Variants in SLC38A1 observed in about 807,000 individuals in gnomAD.
The protein encoded by SLC38A1 is sodium-coupled neutral amino acid symporter 1.
In SLC38A1, 18 loss-of-function variants were observed where a neutral mutation model predicts 60.3. The ratio of observed to expected loss-of-function variants is 0.30; its 90% confidence interval spans 0.21 to 0.44. The LOEUF is 0.44. Ranked by LOEUF, SLC38A1 falls within the 20% of genes least tolerant of loss-of-function variation. The probability of loss-of-function intolerance (pLI) is 1.00; values close to 1 mark genes in which losing one functional copy is unlikely to be tolerated. For synonymous variants in SLC38A1, 196 were observed against 212.1 expected, an observed-to-expected ratio of 0.92 and a Z score of 0.66; for missense variants, 448 against 587.2, an observed-to-expected ratio of 0.76 and a Z score of 2.45.
chr12:46,251,506 A>C (rs571892174), intron 1 of SLC38A1, among the ~76,000 whole-genome samples: 7 of 152,218 alleles, frequency 4.6e-5, no homozygotes, highest in African/African-American at 7.2e-5. Context: ...GGATCTAATT[A>C]AACTAAAGAG....
intron 1 of SLC38A1, among the ~76,000 whole-genome samples, chr12:46,257,842 A>G (rs74082085): frequency 0.043 from 6,474 of 152,268 alleles, 369 homozygotes; most frequent in East Asian, 0.26. Context: ...ATGTTACAGG[A>G]AAAGGGTCCC....
At chr12:46,257,926 C>T (rs1028005739) in intron 1 of SLC38A1, among the ~76,000 whole-genome samples, 14 of 152,194 alleles carry the variant, frequency 9.2e-5, no homozygotes, top group African/African-American at 2.9e-4. Context: ...TAGAGTAAAG[C>T]GAAATGGCTA....
chr12:46,196,191 A>G lies in SLC38A1; in HGVS notation c.1362+1529T>C, dbSNP rs533459196. 36 of 1,536,098 alleles carry G rather than the reference A, an allele frequency of 2.3e-5. No individual in the cohort carries two copies. In the East Asian group the frequency reaches 5.6e-4, roughly 24 times the overall value. On this transcript the variant is annotated intron_variant, in intron 16 of 16. Coordinates refer to ENST00000398637, the MANE Select transcript of SLC38A1 (RefSeq NM_030674.4). ...GATTATAAGTTCCTTGCGCTTGAGC[A>G]TGTTCAGTGAGAGCGCTGCAGGGAG...
In SLC38A1 at chr12:46,209,087, T is replaced by C; in HGVS notation, c.355A>G (p.Ile119Val). ...TSVTLLSIYS[I>V]NLLLICSKET... ...TTTGAACAGATCAATAGGAGGTTTATTGAATATATAGACAGCAATGTCACT... is the reference window on the plus strand; with the variant it reads ...TTTGAACAGATCAATAGGAGGTTTACTGAATATATAGACAGCAATGTCACT... Residue 119 changes from isoleucine to valine, a missense_variant, in exon 6 of 17, where the codon ATA becomes GTA. By Grantham distance (29) the Ile-to-Val change is conservative. Coordinates refer to ENST00000398637, the MANE Select transcript of SLC38A1 (RefSeq NM_030674.4). 3.7e-6 allele frequency: 6 copies of C among 1,612,164 alleles called. No homozygotes were observed. The highest frequency in any genetic ancestry group is 5.1e-6 in the Non-Finnish European group (6 of 1,178,878).
intron 5 of SLC38A1, among the ~76,000 whole-genome samples, chr12:46,210,295 C>G (rs1211709142): frequency 1.3e-5 from 2 of 152,120 alleles, no homozygotes; most frequent in East Asian, 3.8e-4. Flanking sequence ...AGGAGATAAA[C>G]CAGGAGTACA....
In SLC38A1 at chr12:46,183,363, T is replaced by G. The variant is rs1938831033; in HGVS notation, c.*5607A>C. The G allele has an allele frequency of 6.6e-6, 1 of 152,174 alleles. No individual in the cohort carries two copies. The highest frequency in any genetic ancestry group is 1.5e-5 in the Non-Finnish European group (1 of 68,022). 9.4% of individuals were successfully genotyped at this position (152,174 alleles called of 1,614,324 possible). Reference sequence around the variant, plus strand: ...TACATACCAACGACCAAGATTCAAGTGTTTGGGGAAAAAAATACCTTAGAC... The same window carrying G: ...TACATACCAACGACCAAGATTCAAGGGTTTGGGGAAAAAAATACCTTAGAC... On this transcript the variant is annotated 3_prime_UTR_variant, in exon 17 of 17. Transcript: ENST00000398637.
intron 16 of SLC38A1, among the ~76,000 whole-genome samples, 166 bp from the exon 17 acceptor site, chr12:46,189,237 A>G (rs555911336): frequency 4.6e-5 from 7 of 151,836 alleles, no homozygotes; most frequent in Non-Finnish European, 1.0e-4. Flanking sequence ...AATTTTATGA[A>G]TCTGATTCTG....
At chr12:46,254,900 G>C (rs1344300213) in intron 1 of SLC38A1, 1 of 152,832 alleles carries the variant, frequency 6.5e-6, no homozygotes, top group Non-Finnish European at 1.5e-5. Flanking sequence ...TTACATAATT[G>C]CTACAAGCTG....
chr12:46,194,251 G>T (rs1056587435), intron 16 of SLC38A1, among the ~76,000 whole-genome samples: 2 of 152,154 alleles, frequency 1.3e-5, no homozygotes, highest in African/African-American at 4.8e-5. Context: ...TCATAATGTT[G>T]AATATTGGCC....
Position 46,229,556 on chromosome 12 carries a change from ATACT to A in SLC38A1, c.198+4_198+7del. On this transcript the variant is annotated splice_donor_5th_base_variant and intron_variant, in intron 4 of 16. Transcript: ENST00000398637. ...AAAATAAGCATACTTCATTATAATG[ATACT>A]TACATACTCATCACACTTCTTTTTT... 1 of 1,590,654 alleles carries A rather than the reference ATACT, an allele frequency of 6.3e-7. No individual in the cohort carries two copies. The highest frequency in any genetic ancestry group is 8.6e-7 in the Non-Finnish European group (1 of 1,159,458).
chr12:46,238,028 T>C (rs998382615), intron 3 of SLC38A1, among the ~76,000 whole-genome samples: 2 of 151,844 alleles, frequency 1.3e-5, no homozygotes, highest in Non-Finnish European at 2.9e-5. Context: ...GACCTGTGTG[T>C]ACCCTTGGAT....
chr12:46,242,875 C>T (rs1941492531), intron 2 of SLC38A1, among the ~76,000 whole-genome samples: 1 of 152,086 alleles, frequency 6.6e-6, no homozygotes, highest in Admixed American at 6.6e-5. Flanking sequence ...AATTCTACCA[C>T]CCCCAAATGG....
intron 5 of SLC38A1, among the ~76,000 whole-genome samples, chr12:46,214,165 G>C (rs1481544801): frequency 6.6e-6 from 1 of 152,042 alleles, no homozygotes; most frequent in African/African-American, 2.4e-5. Flanking sequence ...TGCCATTTTT[G>C]AAAGTTGGGA....
rs1247882961 is a variant in SLC38A1 at position 46,187,081 on chromosome 12, C to G, written c.*1889G>C. On this transcript the variant is annotated 3_prime_UTR_variant, in exon 17 of 17. Coordinates refer to ENST00000398637, the MANE Select transcript of SLC38A1 (RefSeq NM_030674.4). ...TCATATCCAAATATCTGAACTCTAA[C>G]CTAATGTGGATATGATTCTGTAGCA... 6.6e-6 allele frequency: 1 copy of G among 152,074 alleles called. No homozygotes were observed. The highest frequency in any genetic ancestry group is 1.5e-5 in the Non-Finnish European group (1 of 68,020). The allele number at this position is 152,074 out of a possible 1,614,324, so 9.4% of individuals were successfully genotyped here. A position where few individuals can be genotyped will look rare whatever the true frequency, so the allele number is the denominator to read the frequency against.
intron 12 of SLC38A1, 142 bp from the exon 13 acceptor site, chr12:46,201,340 G>A (rs1374674083): frequency 3.0e-6 from 2 of 670,280 alleles, no homozygotes; most frequent in East Asian, 2.8e-5. Context: ...TGGCAGTTAT[G>A]CCAGTTGAAA....
Position 46,197,954 on chromosome 12 carries a change from A to G in SLC38A1, c.1229T>C (p.Phe410Ser). 1 of 1,614,128 alleles carries G rather than the reference A, an allele frequency of 6.2e-7. No homozygotes were observed. The highest frequency in any genetic ancestry group is 8.5e-7 in the Non-Finnish European group (1 of 1,179,984). The change falls in exon 15 of 17, where the codon TTC becomes TCC. Residue 410 changes from phenylalanine to serine, a missense_variant. Around this residue, in one of 2 missense-constraint regions of SLC38A1, gnomAD observed 346 missense variants for 497.5 expected, o/e 0.70. Coordinates refer to ENST00000398637, the MANE Select transcript of SLC38A1 (RefSeq NM_030674.4). Reference sequence around the variant, plus strand: ...AAAAATATCCTTCATGGAGGGTATGAAGATCACCAACAAGTTGATAACAAC... The same window carrying G: ...AAAAATATCCTTCATGGAGGGTATGGAGATCACCAACAAGTTGATAACAAC... ...LLVVINLLVI[F>S]IPSMKDIFGV...
chr12:46,229,469 G>C, intron 4 of SLC38A1, 95 bp downstream of exon 4: 4 of 995,664 alleles, frequency 4.0e-6, no homozygotes, highest in Non-Finnish European at 6.3e-6. Flanking sequence ...AATACAGGTA[G>C]TTATGCTTTT....
chr12:46,213,031 C>T lies in SLC38A1; in HGVS notation c.315-3904G>A, dbSNP rs1940245144. ...ACTCAAACATCTTTAATTCTTTGAA[C>T]TGTTCATCTTGTGATGAAGTGTTTG... is the stretch of plus-strand genomic sequence containing the variant. On this transcript the variant is annotated intron_variant, in intron 5 of 16. Coordinates refer to ENST00000398637, the MANE Select transcript of SLC38A1 (RefSeq NM_030674.4). 2.6e-5 allele frequency among the ~76,000 whole-genome samples: 4 copies of T among 152,170 alleles called. No homozygotes were observed. The South Asian group carries it at 8.3e-4, about 32-fold the overall frequency.
At chr12:46,207,476 T>A in intron 7 of SLC38A1, 53 bp downstream of exon 7, 2 of 1,488,038 alleles carry the variant, frequency 1.3e-6, no homozygotes, top group Non-Finnish European at 1.9e-6. Flanking sequence ...ATGTGGCCGC[T>A]CATCCACCAG....
Sources: allele counts gnomAD v4.1 joint callset (sites outside exome capture counted in the v4.1 genomes callset), GRCh38; gene constraint gnomAD v4.1.1; regional missense constraint gnomAD v4.1.1; transcripts MANE v1.5; gene names NCBI Gene and HGNC (gene_info 2026-07-23, HGNC 2026-07-21).